MAGI2: variants seen among roughly 807,000 people sequenced by gnomAD.
MAGI2 encodes the protein membrane associated guanylate kinase, WW and PDZ domain containing 2.
Under a neutral mutation model 133.3 loss-of-function variants are expected in MAGI2, and 35 were observed. The ratio of observed to expected loss-of-function variants is 0.26; its 90% CI spans 0.20 to 0.35. The LOEUF (loss-of-function observed/expected upper bound fraction) is 0.35, where lower values mean the gene tolerates loss of function less well. Ranked by LOEUF, MAGI2 falls within the 10% of genes least tolerant of loss-of-function variation. The pLI, the probability that MAGI2 is intolerant of heterozygous loss-of-function variation, is 1.00. For synonymous variants in MAGI2, 729 were observed against 710.6 expected, an observed-to-expected ratio of 1.03 and a Z score of -0.41; for missense variants, 1,636 against 1,863.4, an observed-to-expected ratio of 0.88 and a Z score of 2.25.
chr7:78,413,930 T>TACTC (rs1480458831), intron 6 of MAGI2, among the ~76,000 whole-genome samples: 2 of 152,106 alleles, frequency 1.3e-5, no homozygotes, highest in African/African-American at 4.8e-5. Context: ...ATGTTGTATT[T>TACTC]AGACATAATG....
chr7:78,977,088 T>G (rs1402515969), intron 2 of MAGI2, among the ~76,000 whole-genome samples: 2 of 151,676 alleles, frequency 1.3e-5, no homozygotes, highest in African/African-American at 4.8e-5. Context: ...ATTAAGAAAA[T>G]GTTTCTAAAA....
At chr7:79,015,392 A>G (rs1381050643) in intron 1 of MAGI2, among the ~76,000 whole-genome samples, 1 of 152,220 alleles carries the variant, frequency 6.6e-6, no homozygotes, top group Non-Finnish European at 1.5e-5. Flanking sequence ...GATCTGGTAC[A>G]ATACATGGTT....
intron 1 of MAGI2, among the ~76,000 whole-genome samples, chr7:79,088,991 C>T (rs1211936394): frequency 6.6e-6 from 1 of 152,062 alleles, no homozygotes; most frequent in Non-Finnish European, 1.5e-5. Context: ...GAAAAAGAAA[C>T]TCGCATCAGA....
intron 1 of MAGI2, among the ~76,000 whole-genome samples, chr7:79,347,345 C>G (rs574827307): frequency 1.3e-5 from 2 of 151,958 alleles, no homozygotes; most frequent in African/African-American, 4.8e-5. Flanking sequence ...TTCATTTCCC[C>G]TCAATCCTGC....
intron 1 of MAGI2, among the ~76,000 whole-genome samples, chr7:79,031,636 G>A (rs1049021147): frequency 1.3e-5 from 2 of 152,058 alleles, no homozygotes. Flanking sequence ...TTGATATTTT[G>A]AGATAATTTT....
At chr7:78,465,143 C>T (rs547157949) in intron 6 of MAGI2, among the ~76,000 whole-genome samples, 6 of 152,190 alleles carry the variant, frequency 3.9e-5, no homozygotes, top group Non-Finnish European at 2.9e-5. Flanking sequence ...GTGTCCTCAG[C>T]GTTAATTCAT....
chr7:79,056,916 T>C (rs1813197256), intron 1 of MAGI2, among the ~76,000 whole-genome samples: 1 of 152,202 alleles, frequency 6.6e-6, no homozygotes, highest in Non-Finnish European at 1.5e-5. Context: ...TTCCTGACCA[T>C]TGTTTTTTCT....
chr7:79,186,230 A>ATATATATATATATATATT (rs1827115661), intron 1 of MAGI2, among the ~76,000 whole-genome samples: 2 of 67,940 alleles, frequency 2.9e-5, no homozygotes, highest in African/African-American at 3.3e-5. Context: ...ATATATATAT[A>ATATATATATATATATATT]TATATATATA....
chr7:78,514,729 G>T (rs1795897513), intron 4 of MAGI2, among the ~76,000 whole-genome samples: 2 of 152,150 alleles, frequency 1.3e-5, no homozygotes, highest in South Asian at 4.1e-4. Context: ...CAGTGACAGG[G>T]TCTCATTCAC....
At chr7:78,913,696 G>A (rs1001080319) in intron 2 of MAGI2, among the ~76,000 whole-genome samples, 15 of 152,122 alleles carry the variant, frequency 9.9e-5, no homozygotes, top group Admixed American at 1.3e-4. Flanking sequence ...TTGACTTGCT[G>A]TTATGTTCCA....
Position 78,585,487 on chromosome 7 carries a change from G to A in MAGI2, c.538+41633C>T, listed in dbSNP as rs1313351781. Among the ~76,000 whole-genome samples the A allele has an allele frequency of 5.3e-5, 8 of 152,212 alleles. No homozygotes were observed. In the South Asian group the frequency reaches 1.0e-3, roughly 20 times the overall value. Reference sequence around the variant, plus strand: ...GTCTCTGCCTGATACGTAGTTGAAAGTGGAAATGGCAGCAGCATAGGAACC... The same window carrying A: ...GTCTCTGCCTGATACGTAGTTGAAAATGGAAATGGCAGCAGCATAGGAACC... On this transcript the variant is annotated intron_variant, in intron 3 of 21. Transcript: ENST00000354212.
At chr7:78,907,584 G>C (rs923332852) in intron 2 of MAGI2, among the ~76,000 whole-genome samples, 2 of 152,144 alleles carry the variant, frequency 1.3e-5, no homozygotes, top group Admixed American at 6.5e-5. Flanking sequence ...CTAAATACAA[G>C]ATTAGGATTT....
At chr7:78,274,905 C>A (rs1195993998) in intron 9 of MAGI2, among the ~76,000 whole-genome samples, 2 of 152,130 alleles carry the variant, frequency 1.3e-5, no homozygotes, top group Non-Finnish European at 2.9e-5. Context: ...CTGAGCCAGA[C>A]CACTTGGCTC....
chr7:78,095,389 G>A (rs1693110275), intron 20 of MAGI2, among the ~76,000 whole-genome samples: 1 of 152,096 alleles, frequency 6.6e-6, no homozygotes, highest in Admixed American at 6.5e-5. Flanking sequence ...GTTAGCAAAT[G>A]CCCCAACAGG....
At chr7:79,229,018 G>C (rs544861197) in intron 1 of MAGI2, among the ~76,000 whole-genome samples, 1 of 151,730 alleles carries the variant, frequency 6.6e-6, no homozygotes, top group South Asian at 2.1e-4. Context: ...AGGAAGAGTT[G>C]TATTTACTTC....
At chr7:79,001,018 G>A (rs960137264) in intron 2 of MAGI2, among the ~76,000 whole-genome samples, 4 of 152,152 alleles carry the variant, frequency 2.6e-5, no homozygotes, top group African/African-American at 9.7e-5. Context: ...CCGGGTTCAA[G>A]CAATTCTCCT....
chr7:79,259,447 T>C (rs1162261709), intron 1 of MAGI2, among the ~76,000 whole-genome samples: 1 of 152,206 alleles, frequency 6.6e-6, no homozygotes, highest in Non-Finnish European at 1.5e-5. Context: ...ATATGCTACA[T>C]TGAGGAGGCA....
intron 6 of MAGI2, among the ~76,000 whole-genome samples, chr7:78,471,989 C>A (rs957821698): frequency 2.0e-5 from 3 of 151,918 alleles, no homozygotes; most frequent in Non-Finnish European, 4.4e-5. Flanking sequence ...CAAGTTCACA[C>A]AGCCAGTAAA....
chr7:78,789,588 G>A (rs71555009), intron 2 of MAGI2, among the ~76,000 whole-genome samples: 6,507 of 151,996 alleles, frequency 0.043, 207 homozygotes, highest in Middle Eastern at 0.075. Context: ...ATACATAATA[G>A]GTATATATAT....
Sources: allele counts gnomAD v4.1 joint callset (sites outside exome capture counted in the v4.1 genomes callset), GRCh38; gene constraint gnomAD v4.1.1; transcripts MANE v1.5; gene names NCBI Gene and HGNC (gene_info 2026-07-23, HGNC 2026-07-21).